The following FAM149A variants were observed in gnomAD, a reference collection of about 807,000 sequenced individuals.
FAM149A encodes family with sequence similarity 149 member A, also known as protein FAM149A.
Under a neutral mutation model 78.2 loss-of-function variants are expected in FAM149A, and 71 were observed. The observed-to-expected ratio is 0.91, with a 90% CI of 0.75 to 1.11. FAM149A has a LOEUF of 1.11. Ranked by LOEUF, FAM149A falls within the 50% of genes least tolerant of loss-of-function variation. The probability of loss-of-function intolerance (pLI) is 0.00; values close to 1 mark genes in which losing one functional copy is unlikely to be tolerated. For missense variants in FAM149A, 1,036 were observed against 971.0 expected (o/e 1.07, Z -0.89); for synonymous variants, 446 against 410.5 (o/e 1.09, Z -1.04).
intron 1 of FAM149A, among the ~76,000 whole-genome samples, chr4:186,122,004 A>G (rs1019249047): frequency 6.6e-6 from 1 of 152,214 alleles, no homozygotes; most frequent in Non-Finnish European, 1.5e-5. Context: ...GGCTGGCACC[A>G]TGCTAGGCCT....
chr4:186,157,816 G>T (rs1459935586), intron 8 of FAM149A, 97 bp downstream of exon 8: 3 of 1,563,230 alleles, frequency 1.9e-6, no homozygotes, highest in Non-Finnish European at 2.6e-6. Context: ...AGATATTTGG[G>T]GCTGCTTTCC....
chr4:186,165,670 G>A (rs911947398), intron 11 of FAM149A, among the ~76,000 whole-genome samples: 1 of 152,184 alleles, frequency 6.6e-6, no homozygotes, highest in African/African-American at 2.4e-5. Context: ...ACCGTTTTGT[G>A]AAATAAAAGC....
intron 4 of FAM149A, chr4:186,153,180 A>T (rs1733748299): frequency 1.2e-6 from 1 of 821,336 alleles, no homozygotes. Context: ...GTCTTACATC[A>T]TTGATAGAAA....
Position 186,175,019 on chromosome 4 carries a change from A to T in FAM149A, c.*3032A>T, listed in dbSNP as rs1265087526. On this transcript the variant is annotated 3_prime_UTR_variant, in exon 14 of 14. Transcript: ENST00000389354. The stretch of plus-strand genomic sequence containing the variant: ...CATTAATTAAAATGCCTGTTAGTTT[A>T]TCCAAAACCAAAGAAAGAATGAAGA... 1.8e-4 allele frequency among the ~76,000 whole-genome samples: 20 copies of T among 111,462 alleles called. 4 individuals are homozygous for T. The highest frequency in any genetic ancestry group is 5.6e-4 in the African/African-American group (20 of 35,828). 73.1% of individuals were successfully genotyped at this position (111,462 alleles called of 152,430 possible).
At chr4:186,148,058 G>A (rs1486839107) in intron 1 of FAM149A, among the ~76,000 whole-genome samples, 1 of 152,226 alleles carries the variant, frequency 6.6e-6, no homozygotes, top group Non-Finnish European at 1.5e-5. Flanking sequence ...TGGGTGTGGT[G>A]GCTCATGCCT....
chr4:186,140,255 CTAAT>C, intron 1 of FAM149A, among the ~76,000 whole-genome samples: 1 of 152,186 alleles, frequency 6.6e-6, no homozygotes, highest in Non-Finnish European at 1.5e-5. Flanking sequence ...TCTTATATTA[CTAAT>C]TAATTTTCAG....
At chr4:186,145,102 A>C (rs1342557696) in intron 1 of FAM149A, 1 of 985,280 alleles carries the variant, frequency 1.0e-6, no homozygotes, top group African/African-American at 1.8e-5. Context: ...CCCGGGGCTG[A>C]TCGTAATCGG....
At chr4:186,120,180 A>G (rs1176618990) in intron 1 of FAM149A, among the ~76,000 whole-genome samples, 1 of 152,246 alleles carries the variant, frequency 6.6e-6, no homozygotes, top group African/African-American at 2.4e-5. Flanking sequence ...GACACCAAAT[A>G]CAGCATGCAT....
At position 186,153,874 on chromosome 4, in the gene FAM149A, A is replaced by G. The variant is rs913344574; in HGVS notation, c.1058+104A>G. Reference sequence around the variant, plus strand: ...AAGCCTTGGCTCCACCCATTTTGGAAATTTAGATTCTGATGAAGGGCAGGT... The same window carrying G: ...AAGCCTTGGCTCCACCCATTTTGGAGATTTAGATTCTGATGAAGGGCAGGT... On this transcript the variant is annotated intron_variant, in intron 5 of 13. Coordinates refer to ENST00000389354, the MANE Select transcript of FAM149A (RefSeq NM_001367768.3). 9 of 1,333,964 alleles carry G rather than the reference A, an allele frequency of 6.7e-6. No homozygotes were observed. The African/African-American group carries it at 1.3e-4, about 20-fold the overall frequency. The allele number at this position is 1,333,964 out of a possible 1,614,324, so 82.6% of individuals were successfully genotyped here. A position where few individuals can be genotyped will look rare whatever the true frequency, so the allele number is the denominator to read the frequency against.
intron 3 of FAM149A, among the ~76,000 whole-genome samples, chr4:186,150,512 C>T (rs1277443260): frequency 2.2e-4 from 30 of 138,292 alleles, no homozygotes; most frequent in African/African-American, 6.1e-4. Context: ...CTCCGCCTCC[C>T]GGGTTCACGC....
intron 1 of FAM149A, chr4:186,123,808 C>G (rs2099317059): frequency 1.0e-6 from 1 of 982,408 alleles, no homozygotes; most frequent in Admixed American, 6.2e-5. Context: ...AATGAAATCC[C>G]AGACCCTTCA....
intron 1 of FAM149A, among the ~76,000 whole-genome samples, chr4:186,119,078 TTC>T (rs2099314915): frequency 6.6e-6 from 1 of 152,206 alleles, no homozygotes; most frequent in Non-Finnish European, 1.5e-5. Flanking sequence ...GGGGACACTC[TTC>T]CCTCATGGGT....
At chr4:186,118,893 G>A (rs1304689748) in intron 1 of FAM149A, among the ~76,000 whole-genome samples, 3 of 151,618 alleles carry the variant, frequency 2.0e-5, no homozygotes. Flanking sequence ...GTAAGTTTCA[G>A]TTTTGTTTTG....
chr4:186,128,166 T>C (rs1386711059), intron 1 of FAM149A, among the ~76,000 whole-genome samples: 2 of 151,858 alleles, frequency 1.3e-5, no homozygotes, highest in Non-Finnish European at 2.9e-5. Flanking sequence ...AATTTTTGTA[T>C]TTTTAGTAGA....
At position 186,173,456 on chromosome 4, in the gene FAM149A, G is replaced by A. The variant is rs571238455; in HGVS notation, c.*1469G>A. ...CAACCTCCACCTCCTGGGCTCAAGC[G>A]ATTCTCCTGCTTCAGCCTCCTGGGT... On this transcript the variant is annotated 3_prime_UTR_variant, in exon 14 of 14. Transcript: ENST00000389354. Among the ~76,000 whole-genome samples the A allele has an allele frequency of 9.0e-6, 1 of 111,452 alleles. No individual in the cohort carries two copies. Among genetic ancestry groups the A allele is most frequent in the Admixed American group, 8.8e-5 (1 of 11,370 alleles). The allele number at this position is 111,452 out of a possible 152,430, so 73.1% of individuals were successfully genotyped here. A position where few individuals can be genotyped will look rare whatever the true frequency, so the allele number is the denominator to read the frequency against.
chr4:186,106,567 G>C (rs2099308835), intron 1 of FAM149A, among the ~76,000 whole-genome samples: 1 of 152,010 alleles, frequency 6.6e-6, no homozygotes, highest in Non-Finnish European at 1.5e-5. Flanking sequence ...AAAAAATCCT[G>C]AGTAATTTTT....
intron 8 of FAM149A, chr4:186,160,997 C>A: frequency 2.3e-6 from 1 of 436,022 alleles, no homozygotes; most frequent in Non-Finnish European, 3.0e-6. Flanking sequence ...TGTGTAGTGT[C>A]TGGTGTAGAG....
chr4:186,140,297 CTTTTTA>C (rs764922586), intron 1 of FAM149A, among the ~76,000 whole-genome samples: 2 of 152,032 alleles, frequency 1.3e-5, no homozygotes, highest in Non-Finnish European at 2.9e-5. Flanking sequence ...ACATATACCA[CTTTTTA>C]TTTTTATTTT....
chr4:186,110,374 G>GTCA, intron 1 of FAM149A: 2 of 936,886 alleles, frequency 2.1e-6, no homozygotes, highest in Non-Finnish European at 2.5e-6. Context: ...GTGTACAATT[G>GTCA]TCATATAAGC....
Sources: allele counts gnomAD v4.1 joint callset (sites outside exome capture counted in the v4.1 genomes callset), GRCh38; gene constraint gnomAD v4.1.1; transcripts MANE v1.5; gene names NCBI Gene and HGNC (gene_info 2026-07-23, HGNC 2026-07-21).